The following ACAP3 variants were observed in gnomAD, a reference collection of about 807,000 sequenced individuals.
ACAP3 encodes the protein ArfGAP with coiled-coil, ankyrin repeat and PH domains 3.
In ACAP3, 56 loss-of-function variants were observed where a neutral mutation model predicts 104.1. That is an observed-to-expected ratio of 0.54 (90% CI 0.43 to 0.67). ACAP3 has a LOEUF of 0.67. Ranked by LOEUF, ACAP3 falls within the 30% of genes least tolerant of loss-of-function variation. The pLI is 0.00. For missense variants in ACAP3, 1,208 were observed against 1,174.9 expected (o/e 1.03, Z -0.41); for synonymous variants, 628 against 496.2 (o/e 1.27, Z -3.53).
In ACAP3 at chr1:1,296,092, T is replaced by G. The variant is rs547767704; in HGVS notation, c.1425A>C (p.Gly475=). ...PELLKLMCEL[G]NSAVNQIYEA... is the part of the protein sequence containing the mutation. ...CATAGATCTGATTCACAGCGCTGTT[T>G]CCAAGCTCACACATCAGCTAGCGGG... The change falls in exon 17 of 24, where the codon GGA becomes GGC. Residue 475 remains glycine, a synonymous_variant. Transcript: ENST00000354700. 1 of 1,612,720 alleles carries G rather than the reference T, an allele frequency of 6.2e-7. No homozygotes were observed. Among genetic ancestry groups the G allele is most frequent in the Admixed American group, 1.7e-5 (1 of 60,006 alleles).
intron 1 of ACAP3, chr1:1,307,133 G>C: frequency 1.6e-6 from 2 of 1,241,506 alleles, no homozygotes; most frequent in Non-Finnish European, 2.1e-6. Context: ...ACCAAGCAAA[G>C]CCGATGCACA....
chr1:1,295,199 CCT>C (rs1163111941), intron 19 of ACAP3, among the ~76,000 whole-genome samples: 3 of 152,144 alleles, frequency 2.0e-5, no homozygotes, highest in African/African-American at 7.2e-5. Flanking sequence ...CTGGCAGCGC[CCT>C]CTGCTTCCCC....
chr1:1,294,009 T>C (rs1640986251), intron 22 of ACAP3, 76 bp from the exon 23 acceptor site: 3 of 1,466,688 alleles, frequency 2.0e-6, no homozygotes, highest in Non-Finnish European at 2.7e-6. Flanking sequence ...CGTGGCCGGA[T>C]AGGGCATGGC....
chr1:1,297,866 T>A lies in ACAP3; in HGVS notation c.1084A>T (p.Ile362Phe). 1.9e-6 allele frequency: 3 copies of A among 1,611,982 alleles called. No homozygotes were observed. The highest frequency in any genetic ancestry group is 2.5e-6 in the Non-Finnish European group (3 of 1,179,492). The change falls in exon 14 of 24, where the codon ATC becomes TTC. Residue 362 changes from isoleucine (I) to phenylalanine (F), a missense_variant. Ile to Phe is a conservative substitution (Grantham distance 21). Transcript: ENST00000354700. Reference sequence around the variant, plus strand: ...GGGCTCTCGCGGTAGGCGGAGGCGATGCTGGCCTGCACAGCCTGGACCCAG... The same window carrying A: ...GGGCTCTCGCGGTAGGCGGAGGCGAAGCTGGCCTGCACAGCCTGGACCCAG... ...QAWVQAVQAS[I>F]ASAYRESPDS...
chr1:1,293,805 G>GCCCTGGA lies in ACAP3; in HGVS notation c.2360+17_2360+18insTCCAGGG. ...CCCTGGAGGCCCCGCCCAGCCCCGAGGGCCCGGCCGCGCTCACAGTGTCAC... is the reference window on the plus strand; with the variant it reads ...CCCTGGAGGCCCCGCCCAGCCCCGAGCCCTGGAGGCCCGGCCGCGCTCACAGTGTCAC... On this transcript the variant is annotated intron_variant, in intron 23 of 23. Transcript: ENST00000354700. 6.4e-7 allele frequency: 1 copy of GCCCTGGA among 1,567,136 alleles called. No homozygotes were observed. The highest frequency in any genetic ancestry group is 8.6e-7 in the Non-Finnish European group (1 of 1,163,196).
intron 19 of ACAP3, chr1:1,295,058 C>T (rs1641058443): frequency 1.8e-6 from 1 of 569,720 alleles, no homozygotes. Context: ...GCCCTTCCCT[C>T]CCGCTCGCCG....
intron 10 of ACAP3, 109 bp from the exon 11 acceptor site, chr1:1,298,788 C>A: frequency 1.3e-6 from 1 of 798,462 alleles, no homozygotes; most frequent in Non-Finnish European, 2.1e-6. Context: ...GGCTGCCACA[C>A]GGCCCACGGA....
chr1:1,298,071 CAG>C lies in ACAP3; in HGVS notation c.956_957del (p.Ser319CysfsTer5). 6.2e-7 allele frequency: 1 copy of C among 1,610,982 alleles called. No homozygotes were observed. Among genetic ancestry groups the C allele is most frequent in the Non-Finnish European group, 8.5e-7 (1 of 1,179,150 alleles). On this transcript the variant is annotated frameshift_variant, in exon 13 of 24. Transcript: ENST00000354700. LOFTEE classifies it high-confidence loss of function. ...CGCTCGATGTCCTCACACGGCTTCA[CAG>C]AGCACAGGCGGAGGTCATCCACCAC... ...TVVVDDLRLC[S>X]VKPCEDIERR...
At chr1:1,299,236 G>A in intron 10 of ACAP3, 109 bp downstream of exon 10, 2 of 1,386,938 alleles carry the variant, frequency 1.4e-6, no homozygotes, top group South Asian at 1.2e-5. Flanking sequence ...GCCGAGACTG[G>A]TGGGAGGTGT....
chr1:1,302,956 G>A lies in ACAP3; in HGVS notation c.245C>T (p.Ala82Val). Residue 82 changes from alanine to valine, a missense_variant, in exon 4 of 24, where the codon GCT becomes GTT. Physicochemically the swap from Ala to Val is moderately conservative, Grantham distance 64 (BLOSUM62 0). Coordinates refer to ENST00000354700, the MANE Select transcript of ACAP3 (RefSeq NM_030649.3). ...TVISECLQRF[A>V]DSLQEVVNYH... Reference sequence around the variant, plus strand: ...GTTCACCACCTCCTGTAGGCTGTCAGCGAACCTCTGCAGACATTCCTGGAG... The same window carrying A: ...GTTCACCACCTCCTGTAGGCTGTCAACGAACCTCTGCAGACATTCCTGGAG... The A allele has an allele frequency of 6.2e-7, 1 of 1,611,580 alleles. No individual in the cohort carries two copies.
chr1:1,300,418 T>G, intron 6 of ACAP3, 91 bp downstream of exon 6: 1 of 1,402,462 alleles, frequency 7.1e-7, no homozygotes, highest in Non-Finnish European at 9.7e-7. Context: ...TCGTCACTCC[T>G]GCTCAAAATC....
intron 4 of ACAP3, 53 bp from the exon 5 acceptor site, chr1:1,302,099 G>C: frequency 7.1e-7 from 1 of 1,399,376 alleles, no homozygotes; most frequent in South Asian, 1.6e-5. Flanking sequence ...AAGAGCCCCA[G>C]ATGGAAGGCC....
chr1:1,296,950 C>G (rs1641198709), intron 14 of ACAP3, among the ~76,000 whole-genome samples: 1 of 152,252 alleles, frequency 6.6e-6, no homozygotes, highest in Admixed American at 6.5e-5. Flanking sequence ...TGTATACGTG[C>G]ACACCCTCAC....
At position 1,296,000 on chromosome 1, in the gene ACAP3, T is replaced by C. The variant is rs1340687772; in HGVS notation, c.1502+15A>G. The stretch of plus-strand genomic sequence containing the variant: ...CTGGGGCTCCCTGACTGATCCAGAC[T>C]GTACCCCACCTCACCGGGAGCTGCT... On this transcript the variant is annotated intron_variant, in intron 17 of 23. Transcript: ENST00000354700. 1.2e-6 allele frequency: 2 copies of C among 1,612,772 alleles called. No homozygotes were observed. The highest frequency in any genetic ancestry group is 2.2e-5 in the East Asian group (1 of 44,876).
At chr1:1,302,834 C>A (rs1022662096) in intron 4 of ACAP3, 88 bp downstream of exon 4, 5 of 833,660 alleles carry the variant, frequency 6.0e-6, no homozygotes, top group East Asian at 6.0e-5. Flanking sequence ...ACGTGCCCCC[C>A]CCAACCCGAC....
chr1:1,295,920 C>T lies in ACAP3; in HGVS notation c.1521G>A (p.Trp507Ter). ...ASSSRQDKEA[W>*]IKDKYVEKKF... The stretch of plus-strand genomic sequence containing the variant: ...TCTTTTCCACGTATTTGTCCTTGAT[C>T]CAGGCCTCCTTGTCCTGCCTGGACC... Residue 507 changes from tryptophan (W) to a stop codon, truncating the protein, a stop_gained, in exon 18 of 24, where the codon TGG (tryptophan) becomes TGA (stop). Coordinates refer to ENST00000354700, the MANE Select transcript of ACAP3 (RefSeq NM_030649.3). LOFTEE classifies it high-confidence loss of function. 6.2e-7 allele frequency: 1 copy of T among 1,612,488 alleles called. No homozygotes were observed. Among genetic ancestry groups the T allele is most frequent in the Non-Finnish European group, 8.5e-7 (1 of 1,179,958 alleles).
intron 21 of ACAP3, 97 bp downstream of exon 21, chr1:1,294,305 C>G: frequency 6.6e-7 from 1 of 1,512,586 alleles, no homozygotes; most frequent in Non-Finnish European, 8.9e-7. Flanking sequence ...CGAACGTGGT[C>G]CCCACCGCGG....
Position 1,303,601 on chromosome 1 carries a change from G to A in ACAP3, c.106-320C>T. ...AAGGCTGCCCACTCCCAGCTCCACGGCCTGTTGCCCCCTCCTCTTTCTCAG... is the reference window on the plus strand; with the variant it reads ...AAGGCTGCCCACTCCCAGCTCCACGACCTGTTGCCCCCTCCTCTTTCTCAG... On this transcript the variant is annotated intron_variant, in intron 2 of 23. Coordinates refer to ENST00000354700, the MANE Select transcript of ACAP3 (RefSeq NM_030649.3). This position sits in a 1 kb window ranked among gnomAD's most constrained non-coding sequence, Gnocchi z 4.0. 6.3e-6 allele frequency: 3 copies of A among 479,338 alleles called. No homozygotes were observed. The highest frequency in any genetic ancestry group is 1.1e-5 in the Non-Finnish European group (3 of 265,448). The allele number at this position is 479,338 out of a possible 1,614,324, so 29.7% of individuals were successfully genotyped here.
intron 10 of ACAP3, 70 bp from the exon 11 acceptor site, chr1:1,298,749 G>A (rs1011211679): frequency 1.3e-5 from 16 of 1,214,114 alleles, no homozygotes; most frequent in Non-Finnish European, 1.9e-5. Flanking sequence ...CTTTCCCGGA[G>A]CACAGGTGGG....
Sources: gnomAD v4.1 joint callset for allele counts (sites outside exome capture counted in the v4.1 genomes callset) on GRCh38, gnomAD v4.1.1 for gene constraint, Gnocchi (gnomAD v3.1) non-coding constraint, MANE v1.5 for transcripts, NCBI Gene and HGNC (gene_info 2026-07-23, HGNC 2026-07-21) for gene names.